Variants in DNAI4 observed in about 807,000 individuals in gnomAD.
DNAI4 encodes WD repeat domain 78.
A neutral mutation model predicts 105.8 loss-of-function variants in DNAI4; 85 were observed. The ratio of observed to expected loss-of-function variants is 0.80; its 90% CI spans 0.67 to 0.96. The LOEUF (loss-of-function observed/expected upper bound fraction) is 0.96. DNAI4 is among the 40% of genes least tolerant of loss of function. The probability of loss-of-function intolerance (pLI) is 0.00; values close to 1 mark genes in which losing one functional copy is unlikely to be tolerated. For missense variants in DNAI4, 1,014 were observed against 1,005.6 expected, an observed-to-expected ratio of 1.01 and a Z score of -0.11; for synonymous variants, 352 against 331.5, an observed-to-expected ratio of 1.06 and a Z score of -0.67.
intron 6 of DNAI4, among the ~76,000 whole-genome samples, chr1:66,868,329 G>A (rs1224595697): frequency 6.6e-6 from 1 of 152,134 alleles, no homozygotes; most frequent in African/African-American, 2.4e-5. Context: ...ATGGTGTGAT[G>A]GTTAACTTTA....
intron 1 of DNAI4, among the ~76,000 whole-genome samples, chr1:66,920,043 A>C (rs1261367321): frequency 1.3e-5 from 2 of 152,182 alleles, no homozygotes; most frequent in Non-Finnish European, 2.9e-5. Context: ...GTGAGAACAT[A>C]CATCTGTGTT....
At chr1:66,890,000 T>G (rs1647457851) in intron 4 of DNAI4, among the ~76,000 whole-genome samples, 1 of 152,166 alleles carries the variant, frequency 6.6e-6, no homozygotes, top group African/African-American at 2.4e-5. Flanking sequence ...CACAAATGTA[T>G]CAGAATTATT....
intron 15 of DNAI4, among the ~76,000 whole-genome samples, chr1:66,825,291 T>C (rs980061020): frequency 2.0e-5 from 3 of 148,742 alleles, no homozygotes; most frequent in South Asian, 2.2e-4. Flanking sequence ...GCCATTCTCC[T>C]GCCTCAGCCT....
intron 16 of DNAI4, among the ~76,000 whole-genome samples, chr1:66,814,526 G>A (rs755123792): frequency 7.9e-5 from 12 of 152,096 alleles, no homozygotes; most frequent in East Asian, 1.9e-4. Flanking sequence ...GTGCCACCAC[G>A]CCCAGCTAAT....
At chr1:66,878,174 A>C (rs547765073) in intron 4 of DNAI4, among the ~76,000 whole-genome samples, 4 of 152,026 alleles carry the variant, frequency 2.6e-5, no homozygotes, top group Middle Eastern at 3.2e-3. Context: ...CATTTATTCA[A>C]TATTAGTTTG....
intron 9 of DNAI4, among the ~76,000 whole-genome samples, chr1:66,839,974 A>G (rs1311440960): frequency 1.3e-5 from 2 of 152,228 alleles, no homozygotes; most frequent in Non-Finnish European, 2.9e-5. Flanking sequence ...TGCCTGCTAT[A>G]TACTAAGTGC....
intron 3 of DNAI4, among the ~76,000 whole-genome samples, chr1:66,891,821 C>T (rs1360480612): frequency 6.6e-6 from 1 of 152,176 alleles, no homozygotes; most frequent in Non-Finnish European, 1.5e-5. Flanking sequence ...CGGTGAATTA[C>T]CAATACATTT....
intron 10 of DNAI4, 30 bp downstream of exon 10, chr1:66,837,680 A>G: frequency 6.3e-7 from 1 of 1,588,856 alleles, no homozygotes; most frequent in East Asian, 2.3e-5. Flanking sequence ...ACAGCCAGAT[A>G]AAAATGCTTC....
intron 5 of DNAI4, among the ~76,000 whole-genome samples, chr1:66,872,210 T>TTTA (rs1646861717): frequency 9.5e-6 from 1 of 104,758 alleles, no homozygotes; most frequent in Admixed American, 8.4e-5. Context: ...GGTTATTTTA[T>TTTA]TTATTTATTA....
intron 16 of DNAI4, among the ~76,000 whole-genome samples, chr1:66,819,482 C>T (rs1182553874): frequency 6.6e-6 from 1 of 151,998 alleles, no homozygotes; most frequent in Non-Finnish European, 1.5e-5. Flanking sequence ...TTCTTAGAAA[C>T]CATGTCTTTT....
intron 4 of DNAI4, among the ~76,000 whole-genome samples, chr1:66,883,312 CTT>C (rs1170222688): frequency 6.0e-5 from 9 of 149,376 alleles, no homozygotes; most frequent in Non-Finnish European, 1.3e-4. Context: ...GAGTTTCACT[CTT>C]GTCACCAGAC....
chr1:66,892,602 G>A (rs1414159946), intron 3 of DNAI4, among the ~76,000 whole-genome samples: 1 of 152,060 alleles, frequency 6.6e-6, no homozygotes, highest in Non-Finnish European at 1.5e-5. Context: ...GAGGAACATA[G>A]AGATGGAACA....
In DNAI4 at chr1:66,891,140, T is replaced by C; in HGVS notation, c.643+14A>G. 1 of 1,554,328 alleles carries C rather than the reference T, an allele frequency of 6.4e-7. No individual in the cohort carries two copies. Reference sequence around the variant, plus strand: ...ACGGACTGTTACTGAAATAAACAAGTATATTTTCATTACCTGTGAAACTAG... The same window carrying C: ...ACGGACTGTTACTGAAATAAACAAGCATATTTTCATTACCTGTGAAACTAG... On this transcript the variant is annotated intron_variant, in intron 4 of 16. Transcript: ENST00000371026.
intron 8 of DNAI4, among the ~76,000 whole-genome samples, chr1:66,844,380 G>A (rs1646225285): frequency 1.3e-5 from 2 of 151,930 alleles, no homozygotes; most frequent in Non-Finnish European, 2.9e-5. Flanking sequence ...GGCCAACAAT[G>A]GCAAAACCCC....
chr1:66,840,513 T>C lies in DNAI4; in HGVS notation c.1450A>G (p.Lys484Glu). 1 of 1,614,238 alleles carries C rather than the reference T, an allele frequency of 6.2e-7. No individual in the cohort carries two copies. The highest frequency in any genetic ancestry group is 8.5e-7 in the Non-Finnish European group (1 of 1,180,046). The change falls in exon 9 of 17, where the codon AAA becomes GAA. Residue 484 changes from lysine to glutamate, a missense_variant. Coordinates refer to ENST00000371026, the MANE Select transcript of DNAI4 (RefSeq NM_024763.5). ...GCAAGGCTGCTCACATTGAGGCCTT[T>C]GGTTAAGTCACAGGAAAAAGACCAA... The part of the protein sequence containing the change: ...RLWSFSCDLT[K>E]GLNVSSLAWN...
At position 66,886,512 on chromosome 1, in the gene DNAI4, A is replaced by C. The variant is rs543257363; in HGVS notation, c.643+4642T>G. On this transcript the variant is annotated intron_variant, in intron 4 of 16. Transcript: ENST00000371026. ...GTTTGGTTGTGTTTAATGTTGTTTT[A>C]GCTACAGGTATCAAAACCTTTCTTG... 6.6e-5 allele frequency among the ~76,000 whole-genome samples: 10 copies of C among 152,302 alleles called. No individual in the cohort carries two copies. In the East Asian group the frequency reaches 1.7e-3, roughly 26 times the overall value.
chr1:66,836,165 A>AAAGAAAGAAAGAAAGAAAGAAAG (rs1645986830), intron 10 of DNAI4, among the ~76,000 whole-genome samples: 3 of 49,542 alleles, frequency 6.1e-5, no homozygotes, highest in African/African-American at 2.1e-4. Flanking sequence ...AGAAAGAAAG[A>AAAGAAAGAAAGAAAGAAAGAAAG]AAGAAAGAAA....
chr1:66,919,014 C>T, intron 1 of DNAI4: 1 of 393,602 alleles, frequency 2.5e-6, no homozygotes, highest in Admixed American at 2.6e-5. Flanking sequence ...TGTCTCTCAC[C>T]TACCTGTGAC....
At chr1:66,862,101 G>T (rs1198858559) in intron 7 of DNAI4, 46 bp downstream of exon 7, 4 of 1,498,308 alleles carry the variant, frequency 2.7e-6, no homozygotes, top group Non-Finnish European at 3.6e-6. Context: ...TATTAAAAAT[G>T]CCATGTTAAA....
Sources: allele counts gnomAD v4.1 joint callset (sites outside exome capture counted in the v4.1 genomes callset), GRCh38; gene constraint gnomAD v4.1.1; transcripts MANE v1.5; gene names NCBI Gene and HGNC (gene_info 2026-07-23, HGNC 2026-07-21).